PALLD: variants seen among roughly 807,000 people sequenced by gnomAD.
PALLD encodes palladin, cytoskeletal associated protein.
In PALLD, 61 loss-of-function variants were observed where a neutral mutation model predicts 123.5. That is an observed-to-expected ratio of 0.49 (90% confidence interval 0.40 to 0.61). The LOEUF is 0.61. PALLD is among the 20% of genes least tolerant of loss of function. The pLI, the probability that PALLD is intolerant of heterozygous loss-of-function variation, is 0.00. For missense variants in PALLD, 1,273 were observed against 1,377.0 expected, an observed-to-expected ratio of 0.92 and a Z score of 1.20; for synonymous variants, 465 against 496.4, an observed-to-expected ratio of 0.94 and a Z score of 0.84.
chr4:168,539,312 G>A (rs760452659), intron 2 of PALLD, among the ~76,000 whole-genome samples: 9 of 152,120 alleles, frequency 5.9e-5, no homozygotes, highest in African/African-American at 1.4e-4. Context: ...AGTCCTGCCC[G>A]GGCGCGGTGG....
intron 3 of PALLD, 70 bp from the exon 4 acceptor site, chr4:168,681,262 A>G (rs1781521109): frequency 9.8e-6 from 9 of 917,954 alleles, no homozygotes; most frequent in South Asian, 9.2e-5. Context: ...TAAGGGAAAT[A>G]TAATTCTTTG....
chr4:168,501,018 A>G (rs893490064), intron 1 of PALLD, among the ~76,000 whole-genome samples: 9 of 152,364 alleles, frequency 5.9e-5, no homozygotes, highest in Admixed American at 1.3e-4. Context: ...TATACCATGA[A>G]TCTAACAGAA....
intron 10 of PALLD, among the ~76,000 whole-genome samples, chr4:168,770,697 C>T (rs1734277389): frequency 6.6e-6 from 1 of 152,100 alleles, no homozygotes; most frequent in Admixed American, 6.5e-5. Flanking sequence ...CAACTGATGC[C>T]TGTTTCCTAT....
intron 2 of PALLD, among the ~76,000 whole-genome samples, chr4:168,653,030 C>T (rs1393629877): frequency 6.6e-6 from 1 of 152,164 alleles, no homozygotes; most frequent in Admixed American, 6.6e-5. Flanking sequence ...CATCGTAGTC[C>T]CTCAAGGAAT....
At chr4:168,910,941 C>G (rs1056715113) in intron 15 of PALLD, among the ~76,000 whole-genome samples, 1 of 152,158 alleles carries the variant, frequency 6.6e-6, no homozygotes, top group Non-Finnish European at 1.5e-5. Flanking sequence ...TTGCTGGGGT[C>G]CGCCAAGCTG....
At chr4:168,639,888 C>T (rs1776769673) in intron 2 of PALLD, among the ~76,000 whole-genome samples, 1 of 152,146 alleles carries the variant, frequency 6.6e-6, no homozygotes, top group African/African-American at 2.4e-5. Context: ...TAAGTCTCCC[C>T]TTAGCTTGCC....
chr4:168,757,427 A>G (rs1265674368), intron 10 of PALLD, among the ~76,000 whole-genome samples: 1 of 152,242 alleles, frequency 6.6e-6, no homozygotes, highest in Non-Finnish European at 1.5e-5. Context: ...GGGTGCTAGC[A>G]TCATTTGTAT....
intron 10 of PALLD, among the ~76,000 whole-genome samples, chr4:168,759,191 AAAAAAAAAAAAATAT>A (rs1442283085): frequency 1.7e-4 from 5 of 29,542 alleles, no homozygotes; most frequent in East Asian, 1.4e-3. Context: ...AAAAAAAAAA[AAAAAAAAAAAAATAT>A]ATATATATAT....
chr4:168,667,717 A>G (rs1430426269), intron 2 of PALLD, among the ~76,000 whole-genome samples: 1 of 152,260 alleles, frequency 6.6e-6, no homozygotes, highest in Non-Finnish European at 1.5e-5. Context: ...TCAGCTGATC[A>G]GAAGTCTTAA....
chr4:168,709,393 C>T (rs1190730412), intron 9 of PALLD, among the ~76,000 whole-genome samples: 4 of 150,966 alleles, frequency 2.6e-5, no homozygotes, highest in Non-Finnish European at 5.9e-5. Flanking sequence ...GCCTGTAATC[C>T]CAGCTACTCT....
intron 2 of PALLD, among the ~76,000 whole-genome samples, chr4:168,636,568 A>G (rs1341173507): frequency 6.6e-6 from 1 of 152,034 alleles, no homozygotes; most frequent in East Asian, 1.9e-4. Context: ...ACAATTCTCA[A>G]CCTCTATAGA....
chr4:168,898,575 G>A lies in PALLD; in HGVS notation c.2333G>A (p.Gly778Asp). The A allele has an allele frequency of 6.2e-7, 1 of 1,613,788 alleles. No individual in the cohort carries two copies. The highest frequency in any genetic ancestry group is 8.5e-7 in the Non-Finnish European group (1 of 1,179,638). ...RLERSPVDES[G>D]DEVQYGDVPV... ...GAAAGGTCTCCTGTGGATGAATCAG[G>A]TGATGAAGTTCAGTATGGAGATGTG... Residue 778 changes from glycine to aspartate, a missense_variant, in exon 14 of 22, where the codon GGT (glycine) becomes GAT (aspartate). Gly to Asp is a moderately conservative substitution (Grantham distance 94). This residue lies in a region of PALLD where 944 missense variants were observed against 954.5 expected (regional missense o/e 0.99). Coordinates refer to ENST00000505667, the MANE Select transcript of PALLD (RefSeq NM_001166108.2).
At chr4:168,639,788 C>T (rs978435201) in intron 2 of PALLD, among the ~76,000 whole-genome samples, 10 of 152,154 alleles carry the variant, frequency 6.6e-5, no homozygotes, top group Non-Finnish European at 1.2e-4. Context: ...TCGTGATCCG[C>T]CCGCCTCGGC....
chr4:168,595,412 C>A (rs1021126004), intron 2 of PALLD, among the ~76,000 whole-genome samples: 2 of 151,838 alleles, frequency 1.3e-5, no homozygotes, highest in African/African-American at 2.4e-5. Context: ...ATGGTGGGGC[C>A]CAGGGGTCTT....
Position 168,607,276 on chromosome 4 carries a change from C to G in PALLD, c.909-60914C>G, listed in dbSNP as rs897858091. Among the ~76,000 whole-genome samples, 3 of 152,328 alleles carry G rather than the reference C, an allele frequency of 2.0e-5. 1 individual carries two copies. On this transcript the variant is annotated intron_variant, in intron 2 of 21. Coordinates refer to ENST00000505667, the MANE Select transcript of PALLD (RefSeq NM_001166108.2). Reference sequence around the variant, plus strand: ...CCCTCCCTCATATTCTTTGGAGCATCTGCCTGTCTCCCCTTTCATTCCCAC... The same window carrying G: ...CCCTCCCTCATATTCTTTGGAGCATGTGCCTGTCTCCCCTTTCATTCCCAC...
chr4:168,622,125 C>A (rs921795802), intron 2 of PALLD, among the ~76,000 whole-genome samples: 1 of 152,174 alleles, frequency 6.6e-6, no homozygotes, highest in Non-Finnish European at 1.5e-5. Context: ...TACTCCCTCT[C>A]CCCTATTCCA....
chr4:168,734,808 C>T (rs563344137), intron 10 of PALLD, among the ~76,000 whole-genome samples: 26 of 152,168 alleles, frequency 1.7e-4, no homozygotes, highest in Admixed American at 3.9e-4. Flanking sequence ...CCTGTAGTCC[C>T]AGCTACTTGA....
At chr4:168,578,382 T>A (rs1255054659) in intron 2 of PALLD, among the ~76,000 whole-genome samples, 1 of 152,092 alleles carries the variant, frequency 6.6e-6, no homozygotes, top group African/African-American at 2.4e-5. Flanking sequence ...CCTCATGCTG[T>A]CCTTGTGATA....
At position 168,507,319 on chromosome 4, in the gene PALLD, A is replaced by C. The variant is rs914925182; in HGVS notation, c.-82-4104A>C. On this transcript the variant is annotated intron_variant, in intron 1 of 21. Transcript: ENST00000505667. ...CCAAGTTCTTTCCTTTCTATCATCT[A>C]TCTTATGGACCCTGGACCCACTGCT... The C allele has an allele frequency of 1.7e-5, 3 of 178,068 alleles. No individual in the cohort carries two copies. In the Admixed American group the frequency reaches 1.9e-4, roughly 11 times the overall value. The allele number at this position is 178,068 out of a possible 1,614,324, so 11.0% of individuals were successfully genotyped here. A position where few individuals can be genotyped will look rare whatever the true frequency, so the allele number is the denominator to read the frequency against.
Sources: gnomAD v4.1 joint callset for allele counts (sites outside exome capture counted in the v4.1 genomes callset) on GRCh38, gnomAD v4.1.1 for gene constraint, gnomAD v4.1.1 regional missense constraint, MANE v1.5 for transcripts, NCBI Gene and HGNC (gene_info 2026-07-23, HGNC 2026-07-21) for gene names.